The following MAGI2 variants were observed in gnomAD, a reference collection of about 807,000 sequenced individuals.
The protein encoded by MAGI2 is membrane-associated guanylate kinase, WW and PDZ domain-containing protein 2.
In MAGI2, 35 loss-of-function variants were observed where a neutral mutation model predicts 133.3. That is an observed-to-expected ratio of 0.26 (90% CI 0.20 to 0.35). The LOEUF (loss-of-function observed/expected upper bound fraction) is 0.35, where lower values mean the gene tolerates loss of function less well. MAGI2 is among the 10% of genes least tolerant of loss of function. The pLI is 1.00. For synonymous variants in MAGI2, 729 were observed against 710.6 expected, an observed-to-expected ratio of 1.03 and a Z score of -0.41; for missense variants, 1,636 against 1,863.4, an observed-to-expected ratio of 0.88 and a Z score of 2.25.
At chr7:78,813,799 A>AC (rs1789298554) in intron 2 of MAGI2, among the ~76,000 whole-genome samples, 1 of 151,268 alleles carries the variant, frequency 6.6e-6, no homozygotes, top group Admixed American at 6.6e-5. Flanking sequence ...AAAAAAAAAA[A>AC]AAAAACACAA....
intron 1 of MAGI2, among the ~76,000 whole-genome samples, chr7:79,167,936 T>C (rs1825108285): frequency 6.6e-6 from 1 of 152,066 alleles, no homozygotes; most frequent in African/African-American, 2.4e-5. Context: ...CCCAGGGTGG[T>C]AAACCGCTTA....
intron 4 of MAGI2, among the ~76,000 whole-genome samples, chr7:78,520,140 T>C (rs1242052157): frequency 4.6e-5 from 7 of 152,180 alleles, no homozygotes; most frequent in Non-Finnish European, 1.0e-4. Flanking sequence ...TTAATATATT[T>C]TAACTCACAT....
intron 6 of MAGI2, among the ~76,000 whole-genome samples, chr7:78,439,217 G>T (rs1200263286): frequency 6.6e-6 from 1 of 152,164 alleles, no homozygotes; most frequent in Non-Finnish European, 1.5e-5. Context: ...GGAAGCTGAA[G>T]CTTGAATGTT....
chr7:78,591,451 G>A (rs573048875), intron 3 of MAGI2, among the ~76,000 whole-genome samples: 1 of 152,352 alleles, frequency 6.6e-6, no homozygotes, highest in Admixed American at 6.5e-5. Context: ...AGCTGGAGGT[G>A]CGGGGAGTAC....
chr7:79,372,280 T>C (rs2129134726), intron 1 of MAGI2, among the ~76,000 whole-genome samples: 1 of 152,178 alleles, frequency 6.6e-6, no homozygotes, highest in East Asian at 1.9e-4. Flanking sequence ...ATTCAAAGAA[T>C]GAAACTATCC....
intron 6 of MAGI2, among the ~76,000 whole-genome samples, chr7:78,406,960 A>G (rs1247202658): frequency 6.6e-6 from 1 of 152,082 alleles, no homozygotes; most frequent in Non-Finnish European, 1.5e-5. Context: ...ATTGTGCTGT[A>G]AATTCATGGA....
chr7:79,195,004 G>A (rs1398989146), intron 1 of MAGI2, among the ~76,000 whole-genome samples: 1 of 151,932 alleles, frequency 6.6e-6, no homozygotes, highest in Non-Finnish European at 1.5e-5. Context: ...TGGGCAATAA[G>A]TAATATTGAG....
At chr7:78,378,372 AATAACT>A (rs1794637175) in intron 6 of MAGI2, among the ~76,000 whole-genome samples, 1 of 152,092 alleles carries the variant, frequency 6.6e-6, no homozygotes, top group African/African-American at 2.4e-5. Flanking sequence ...CCAGAAATAA[AATAACT>A]ATATCTATAT....
chr7:78,311,312 G>A (rs1270329193), intron 9 of MAGI2, among the ~76,000 whole-genome samples: 1 of 152,176 alleles, frequency 6.6e-6, no homozygotes, highest in African/African-American at 2.4e-5. Flanking sequence ...GTTGAGCAAT[G>A]CCATAGAACA....
At chr7:79,039,923 A>G (rs1811501819) in intron 1 of MAGI2, among the ~76,000 whole-genome samples, 1 of 150,088 alleles carries the variant, frequency 6.7e-6, no homozygotes, top group South Asian at 2.1e-4. Flanking sequence ...TAAAAAGAAG[A>G]AAATCCTGTC....
At chr7:78,061,100 A>T (rs1024857952) in intron 21 of MAGI2, among the ~76,000 whole-genome samples, 3 of 149,358 alleles carry the variant, frequency 2.0e-5, no homozygotes, top group Non-Finnish European at 4.4e-5. Context: ...GAAGGCAGAG[A>T]TTCCCCTGAG....
intron 15 of MAGI2, among the ~76,000 whole-genome samples, chr7:78,166,888 A>G (rs919045075): frequency 3.9e-5 from 6 of 152,096 alleles, no homozygotes; most frequent in African/African-American, 1.4e-4. Context: ...CTGGCCTTAG[A>G]GAGAAGAGTC....
chr7:78,670,271 A>T (rs1284498320), intron 2 of MAGI2, among the ~76,000 whole-genome samples: 1 of 152,154 alleles, frequency 6.6e-6, no homozygotes, highest in East Asian at 1.9e-4. Flanking sequence ...ATTCTTATAC[A>T]CCAATAACAG....
intron 14 of MAGI2, among the ~76,000 whole-genome samples, chr7:78,171,547 C>G (rs775038455): frequency 6.6e-6 from 1 of 152,224 alleles, no homozygotes; most frequent in African/African-American, 2.4e-5. Flanking sequence ...ATTCTTCTCA[C>G]TTCCCAATAG....
chr7:78,214,469 G>A (rs1788074525), intron 10 of MAGI2, among the ~76,000 whole-genome samples: 1 of 152,202 alleles, frequency 6.6e-6, no homozygotes, highest in Non-Finnish European at 1.5e-5. Context: ...TTACTGGGAT[G>A]TTGGGAGATA....
intron 1 of MAGI2, among the ~76,000 whole-genome samples, chr7:79,337,134 G>T (rs1840493776): frequency 6.6e-6 from 1 of 152,038 alleles, no homozygotes; most frequent in Non-Finnish European, 1.5e-5. Flanking sequence ...TTAAAATCAT[G>T]ACATCTGAAA....
chr7:78,598,492 G>C (rs1255430534), intron 3 of MAGI2, among the ~76,000 whole-genome samples: 3 of 152,030 alleles, frequency 2.0e-5, no homozygotes, highest in African/African-American at 7.2e-5. Context: ...AAAAAGAAGT[G>C]ACACTACAGA....
intron 2 of MAGI2, among the ~76,000 whole-genome samples, chr7:78,935,437 C>A (rs910910325): frequency 6.6e-6 from 1 of 152,230 alleles, no homozygotes; most frequent in Non-Finnish European, 1.5e-5. Context: ...AGTTTCCCAC[C>A]TCTACAGACC....
chr7:78,870,454 A>T (rs961672024), intron 2 of MAGI2, among the ~76,000 whole-genome samples: 3 of 152,138 alleles, frequency 2.0e-5, no homozygotes, highest in Non-Finnish European at 4.4e-5. Flanking sequence ...AAAATGCTCA[A>T]CATCACTAAT....
Sources: gnomAD v4.1 joint callset for allele counts (sites outside exome capture counted in the v4.1 genomes callset) on GRCh38, gnomAD v4.1.1 for gene constraint, MANE v1.5 for transcripts, NCBI Gene and HGNC (gene_info 2026-07-23, HGNC 2026-07-21) for gene names.